The following BCL2L13 variants were observed in gnomAD, a reference collection of about 807,000 sequenced individuals.
The protein encoded by BCL2L13 is bcl-2-like protein 13.
A neutral mutation model predicts 25.8 loss-of-function variants in BCL2L13; 13 were observed. That is an observed-to-expected ratio of 0.50 (90% confidence interval 0.33 to 0.80). The LOEUF is 0.80. BCL2L13 is among the 30% of genes least tolerant of loss of function. The pLI is 0.02. For missense variants in BCL2L13, 504 were observed against 574.9 expected (o/e 0.88, Z 1.26); for synonymous variants, 244 against 230.3 (o/e 1.06, Z -0.54).
In BCL2L13 at chr22:17,726,969, G is replaced by A. The variant is rs781674808; in HGVS notation, c.893G>A (p.Ser298Asn). ...GACAGCAACGGAGCTGGAGAGAAGA[G>A]TGAGAACAACTCCTCTAATTCTGAC... ...SLDSNGAGEK[S>N]ENNSSNSDIV... Residue 298 changes from serine to asparagine, a missense_variant, in exon 7 of 7, where the codon AGT (serine) becomes AAT (asparagine). Physicochemically the swap from Ser to Asn is conservative, Grantham distance 46. Coordinates refer to ENST00000317582, the MANE Select transcript of BCL2L13 (RefSeq NM_015367.4). The A allele has an allele frequency of 6.2e-7, 1 of 1,614,208 alleles. No homozygotes were observed. The highest frequency in any genetic ancestry group is 1.7e-5 in the Admixed American group (1 of 60,030).
At chr22:17,694,804 T>C (rs569212097) in intron 4 of BCL2L13, among the ~76,000 whole-genome samples, 6 of 152,202 alleles carry the variant, frequency 3.9e-5, no homozygotes, top group Non-Finnish European at 8.8e-5. Flanking sequence ...GATTTCAAAA[T>C]GTTAAAATGC....
At chr22:17,637,771 TA>T (rs1277662263), upstream of BCL2L13, among the ~76,000 whole-genome samples, 1 of 152,100 alleles carries the variant, frequency 6.6e-6, no homozygotes, top group Non-Finnish European at 1.5e-5. Context: ...CACTCGGGCT[TA>T]AAAAGCATCC....
chr22:17,628,953 A>G (rs2057945923), exon 1 of BCL2L13: 2 of 447,874 alleles, frequency 4.5e-6, no homozygotes, highest in African/African-American at 4.0e-5. Context: ...AAGAAAAGAT[A>G]AGGAGTTCCT....
chr22:17,636,861 AACTTAAGT>A (rs2058116634), upstream of BCL2L13, among the ~76,000 whole-genome samples: 1 of 152,228 alleles, frequency 6.6e-6, no homozygotes, highest in South Asian at 2.1e-4. Flanking sequence ...GAAAGAAATG[AACTTAAGT>A]ATGTACCAAA....
chr22:17,629,206 G>GA (rs375545815), intron 1 of BCL2L13, among the ~76,000 whole-genome samples: 203 of 143,926 alleles, frequency 1.4e-3, no homozygotes, highest in Non-Finnish European at 2.3e-3. Context: ...TCTACCAAAA[G>GA]AAAAAAAAAA....
chr22:17,646,955 A>ATATATATTTTT (rs768488873), intron 1 of BCL2L13, among the ~76,000 whole-genome samples: 13 of 22,188 alleles, frequency 5.9e-4, no homozygotes, highest in Admixed American at 1.3e-3. Context: ...ATATATATAT[A>ATATATATTTTT]TTTTTTTTTT....
intron 1 of BCL2L13, among the ~76,000 whole-genome samples, chr22:17,646,955 A>ATTTTTTT (rs149460093): frequency 0.011 from 233 of 22,180 alleles, 13 homozygotes; most frequent in Non-Finnish European, 0.014. Flanking sequence ...ATATATATAT[A>ATTTTTTT]TTTTTTTTTT....
chr22:17,647,055 G>A (rs2058520335), intron 1 of BCL2L13, among the ~76,000 whole-genome samples: 1 of 142,788 alleles, frequency 7.0e-6, no homozygotes, highest in Non-Finnish European at 1.5e-5. Flanking sequence ...CTAACTGCAA[G>A]CTCCGCCTCC....
At chr22:17,656,335 CTTTTTTTTTTTTTT>C (rs890631679) in intron 2 of BCL2L13, among the ~76,000 whole-genome samples, 10,978 of 58,154 alleles carry the variant, frequency 0.19, 591 homozygotes, top group Middle Eastern at 0.32. Flanking sequence ...TCATTTTATT[CTTTTTTTTTTTTTT>C]TTTTTTTTTT....
chr22:17,730,192 G>A lies in BCL2L13; in HGVS notation c.*2658G>A, dbSNP rs922163450. On this transcript the variant is annotated 3_prime_UTR_variant, in exon 7 of 7. Transcript: ENST00000317582. ...GCCAATTTATCCTCTCTGTATTAAAGTGATAATTCTGGGCCCACAGAAATC... is the reference window on the plus strand; with the variant it reads ...GCCAATTTATCCTCTCTGTATTAAAATGATAATTCTGGGCCCACAGAAATC... The A allele has an allele frequency of 6.6e-6, 1 of 152,192 alleles. No homozygotes were observed. The highest frequency in any genetic ancestry group is 1.5e-5 in the Non-Finnish European group (1 of 68,042). The allele number at this position is 152,192 out of a possible 1,614,324, so 9.4% of individuals were successfully genotyped here.
intron 5 of BCL2L13, among the ~76,000 whole-genome samples, chr22:17,699,457 A>C (rs1405535205): frequency 1.3e-5 from 2 of 152,234 alleles, no homozygotes; most frequent in African/African-American, 4.8e-5. Flanking sequence ...AAGAGACCAC[A>C]TAGTGTACGA....
At chr22:17,663,073 G>A (rs2059123790) in intron 2 of BCL2L13, among the ~76,000 whole-genome samples, 1 of 151,974 alleles carries the variant, frequency 6.6e-6, no homozygotes, top group African/African-American at 2.4e-5. Flanking sequence ...GTCTTGCAGT[G>A]TTGCCCAGGC....
rs2061316670 is a variant in BCL2L13, at chr22:17,726,995, A to G, written c.919A>G (p.Ile307Val). Reference protein sequence around the residue: ...KSENNSSNSDIVHVEKEEVPE... With the variant: ...KSENNSSNSDVVHVEKEEVPE... Reference sequence around the variant, plus strand: ...TGAGAACAACTCCTCTAATTCTGACATTGTGCACGTGGAGAAAGAAGAGGT... The same window carrying G: ...TGAGAACAACTCCTCTAATTCTGACGTTGTGCACGTGGAGAAAGAAGAGGT... The change falls in exon 7 of 7, where the codon ATT (isoleucine) becomes GTT (valine). Residue 307 changes from isoleucine to valine, a missense_variant. Ile to Val is a conservative substitution (Grantham distance 29). Transcript: ENST00000317582. The G allele has an allele frequency of 1.2e-6, 2 of 1,614,052 alleles. No homozygotes were observed. Among genetic ancestry groups the G allele is most frequent in the Non-Finnish European group, 8.5e-7 (1 of 1,180,036 alleles).
At position 17,727,753 on chromosome 22, in the gene BCL2L13, T is replaced by G; in HGVS notation, c.*219T>G. ...CCAAGGGCCTCCGCTCATGCTAAAT[T>G]GAGAATCTTAGGGGTAAAGCACCCC... On this transcript the variant is annotated 3_prime_UTR_variant, in exon 7 of 7. Transcript: ENST00000317582. 1 of 639,886 alleles carries G rather than the reference T, an allele frequency of 1.6e-6. No individual in the cohort carries two copies. The highest frequency in any genetic ancestry group is 2.6e-6 in the Non-Finnish European group (1 of 380,474). The allele number at this position is 639,886 out of a possible 1,614,324, so 39.6% of individuals were successfully genotyped here. A position where few individuals can be genotyped will look rare whatever the true frequency, so the allele number is the denominator to read the frequency against.
intron 5 of BCL2L13, among the ~76,000 whole-genome samples, chr22:17,701,529 T>C (rs12167108): frequency 0.019 from 2,890 of 152,262 alleles, 83 homozygotes; most frequent in African/African-American, 0.067. Context: ...TAAATTGTGG[T>C]GATTGGGTAG....
rs768179310 is a variant in BCL2L13 at position 17,655,703 on chromosome 22, G to A, written c.-9G>A. On this transcript the variant is annotated 5_prime_UTR_variant, in exon 2 of 7. Coordinates refer to ENST00000317582, the MANE Select transcript of BCL2L13 (RefSeq NM_015367.4). ...AGTAGACCTTTTTGGAGCCTCACCA[G>A]CCAATTCAATGGCGTCCTCTTCTAC... The A allele has an allele frequency of 1.9e-6, 3 of 1,609,960 alleles. No individual in the cohort carries two copies. In the South Asian group the frequency reaches 3.3e-5, roughly 18 times the overall value.
intron 6 of BCL2L13, chr22:17,706,849 C>T: frequency 7.4e-7 from 1 of 1,350,316 alleles, no homozygotes; most frequent in Non-Finnish European, 9.8e-7. Flanking sequence ...TTTACTTTCT[C>T]CGTCGTCACA....
At chr22:17,677,877 A>AC (rs71201866) in intron 2 of BCL2L13, among the ~76,000 whole-genome samples, 2 of 151,470 alleles carry the variant, frequency 1.3e-5, no homozygotes, top group South Asian at 2.1e-4. Flanking sequence ...CAAAAAAAAA[A>AC]CAAAAAAACC....
chr22:17,637,294 C>A (rs571651928), upstream of BCL2L13, among the ~76,000 whole-genome samples: 1 of 151,500 alleles, frequency 6.6e-6, no homozygotes, highest in South Asian at 2.1e-4. Context: ...GTAATCCCAG[C>A]TACTTGGGAG....
Sources: gnomAD v4.1 joint callset for allele counts (sites outside exome capture counted in the v4.1 genomes callset) on GRCh38, gnomAD v4.1.1 for gene constraint, MANE v1.5 for transcripts, NCBI Gene and HGNC (gene_info 2026-07-23, HGNC 2026-07-21) for gene names.